Variants in SH3RF3 observed in about 807,000 individuals in gnomAD.
SH3RF3 encodes E3 ubiquitin-protein ligase SH3RF3.
A neutral mutation model predicts 66.3 loss-of-function variants in SH3RF3; 29 were observed. That is an observed-to-expected ratio of 0.44 (90% CI 0.33 to 0.60). SH3RF3 has a LOEUF of 0.60. Among genes scored for constraint, SH3RF3 ranks in the 20% least tolerant of loss-of-function variants. The probability of loss-of-function intolerance (pLI) is 0.04; values close to 1 mark genes in which losing one functional copy is unlikely to be tolerated. For synonymous variants in SH3RF3, 583 were observed against 532.0 expected, an observed-to-expected ratio of 1.10 and a Z score of -1.32; for missense variants, 1,194 against 1,190.9, an observed-to-expected ratio of 1.00 and a Z score of -0.04.
rs79783406 is a variant in SH3RF3 at position 109,190,621 on chromosome 2, T to C, written c.573+60508T>C. Among the ~76,000 whole-genome samples, 1,226 of 152,350 alleles carry C rather than the reference T, an allele frequency of 8.0e-3. 12 individuals are homozygous for C. The highest frequency in any genetic ancestry group is 0.04 in the East Asian group (208 of 5,186). On this transcript the variant is annotated intron_variant, in intron 1 of 9. Transcript: ENST00000309415. Reference sequence around the variant, plus strand: ...ACACTCCCATTGCAACTAATTATATTGCAGCGACTTGGTGAAAATCTTTCT... The same window carrying C: ...ACACTCCCATTGCAACTAATTATATCGCAGCGACTTGGTGAAAATCTTTCT...
At chr2:109,408,736 C>T (rs771743648) in intron 4 of SH3RF3, among the ~76,000 whole-genome samples, 2 of 152,240 alleles carry the variant, frequency 1.3e-5, no homozygotes, top group Non-Finnish European at 2.9e-5. Context: ...CTGCAGCCAC[C>T]GCCTGTAAAG....
At chr2:109,268,910 A>G (rs1172205414) in intron 1 of SH3RF3, among the ~76,000 whole-genome samples, 1 of 152,200 alleles carries the variant, frequency 6.6e-6, no homozygotes, top group African/African-American at 2.4e-5. Flanking sequence ...GTTTATCAAA[A>G]TGTAACCCCA....
At chr2:109,440,173 G>A (rs1452736103) in intron 7 of SH3RF3, among the ~76,000 whole-genome samples, 1 of 152,232 alleles carries the variant, frequency 6.6e-6, no homozygotes, top group African/African-American at 2.4e-5. Flanking sequence ...GGAAGAAGGA[G>A]AAGTCCAGTG....
At chr2:109,312,487 A>G (rs946124080) in intron 1 of SH3RF3, among the ~76,000 whole-genome samples, 11 of 152,012 alleles carry the variant, frequency 7.2e-5, no homozygotes, top group African/African-American at 2.7e-4. Context: ...GGAAGTTTTC[A>G]TCTCCCCAAA....
At chr2:109,279,824 G>T (rs561196971) in intron 1 of SH3RF3, among the ~76,000 whole-genome samples, 7 of 152,206 alleles carry the variant, frequency 4.6e-5, no homozygotes, top group African/African-American at 1.7e-4. Flanking sequence ...GATCTATCAG[G>T]AGTGTGGGGG....
chr2:109,156,054 A>G (rs185735783), intron 1 of SH3RF3, among the ~76,000 whole-genome samples: 556 of 152,264 alleles, frequency 3.7e-3, no homozygotes, highest in Non-Finnish European at 6.1e-3. Flanking sequence ...AATCACCCGT[A>G]CTTTGGGAAG....
At chr2:109,405,976 T>G (rs1248123419) in intron 4 of SH3RF3, among the ~76,000 whole-genome samples, 1 of 152,188 alleles carries the variant, frequency 6.6e-6, no homozygotes, top group Non-Finnish European at 1.5e-5. Context: ...AGAGACTGTG[T>G]GGCCTTCCCC....
At chr2:109,418,868 G>A (rs944159763) in intron 4 of SH3RF3, among the ~76,000 whole-genome samples, 3 of 152,148 alleles carry the variant, frequency 2.0e-5, no homozygotes, top group African/African-American at 7.2e-5. Flanking sequence ...GCATGGGCTG[G>A]GACTAAGGAT....
intron 2 of SH3RF3, 96 bp downstream of exon 2, chr2:109,348,045 C>T (rs1211530071): frequency 6.9e-7 from 1 of 1,452,456 alleles, no homozygotes; most frequent in African/African-American, 1.4e-5. Context: ...GACAGTCTTT[C>T]TTCAGAGTCT....
At chr2:109,242,539 A>C (rs1197473143) in intron 1 of SH3RF3, among the ~76,000 whole-genome samples, 5 of 152,312 alleles carry the variant, frequency 3.3e-5, no homozygotes, top group Non-Finnish European at 7.4e-5. Flanking sequence ...CAACAAGGCC[A>C]AGTGGGAAGC....
chr2:109,263,254 T>C (rs1680403541), intron 1 of SH3RF3, among the ~76,000 whole-genome samples: 1 of 152,258 alleles, frequency 6.6e-6, no homozygotes, highest in African/African-American at 2.4e-5. Context: ...TTTATGTTGG[T>C]TTAAATTATT....
chr2:109,268,512 G>T (rs1017924423), intron 1 of SH3RF3, among the ~76,000 whole-genome samples: 1 of 152,184 alleles, frequency 6.6e-6, no homozygotes, highest in Non-Finnish European at 1.5e-5. Context: ...CCTCTGTCCA[G>T]CAGGAGCCTG....
chr2:109,351,284 T>A (rs1276345795), intron 2 of SH3RF3, among the ~76,000 whole-genome samples: 1 of 152,208 alleles, frequency 6.6e-6, no homozygotes, highest in Non-Finnish European at 1.5e-5. Flanking sequence ...GAGGGCCCCA[T>A]GCCAGCTGTG....
At chr2:109,452,844 C>T (rs1179471848) in intron 8 of SH3RF3, among the ~76,000 whole-genome samples, 1 of 145,258 alleles carries the variant, frequency 6.9e-6, no homozygotes, top group African/African-American at 2.6e-5. Context: ...GGAGGCTGGT[C>T]CCTGGGAGGC....
intron 3 of SH3RF3, among the ~76,000 whole-genome samples, chr2:109,382,758 C>T (rs908612238): frequency 6.6e-6 from 1 of 152,266 alleles, no homozygotes; most frequent in Non-Finnish European, 1.5e-5. Context: ...CCAGGGCCCG[C>T]AGCTGATGAG....
chr2:109,480,390 A>G (rs372201765), intron 8 of SH3RF3, among the ~76,000 whole-genome samples: 1 of 152,192 alleles, frequency 6.6e-6, no homozygotes, highest in East Asian at 1.9e-4. Context: ...TCAAGGGTGC[A>G]TGGCTGGTGA....
intron 1 of SH3RF3, among the ~76,000 whole-genome samples, chr2:109,272,354 C>T (rs1680646753): frequency 6.6e-6 from 1 of 152,222 alleles, no homozygotes; most frequent in Non-Finnish European, 1.5e-5. Flanking sequence ...AAGGATGGAA[C>T]CCTGAAGAGC....
intron 2 of SH3RF3, among the ~76,000 whole-genome samples, chr2:109,365,690 T>C (rs1035214193): frequency 8.5e-5 from 13 of 152,218 alleles, no homozygotes; most frequent in African/African-American, 2.9e-4. Flanking sequence ...ACAGACACTG[T>C]TTTATTTCAT....
At chr2:109,368,561 A>G (rs530728742) in intron 2 of SH3RF3, among the ~76,000 whole-genome samples, 11 of 152,114 alleles carry the variant, frequency 7.2e-5, no homozygotes, top group Non-Finnish European at 1.2e-4. Flanking sequence ...TTCTTATTCT[A>G]ATATTCACTT....
Sources: allele counts gnomAD v4.1 joint callset (sites outside exome capture counted in the v4.1 genomes callset), GRCh38; gene constraint gnomAD v4.1.1; transcripts MANE v1.5; gene names NCBI Gene and HGNC (gene_info 2026-07-23, HGNC 2026-07-21).